The following RFTN2 variants were observed in gnomAD, a reference collection of about 807,000 sequenced individuals.
RFTN2 encodes raftlin family member 2.
A neutral mutation model predicts 52.7 loss-of-function variants in RFTN2; 34 were observed. The ratio of observed to expected loss-of-function variants is 0.64; its 90% CI spans 0.49 to 0.86. RFTN2 has a LOEUF of 0.86. Ranked by LOEUF, RFTN2 falls within the 40% of genes least tolerant of loss-of-function variation. RFTN2 has a pLI of 0.00. For missense variants in RFTN2, 536 were observed against 600.1 expected (o/e 0.89, Z 1.12); for synonymous variants, 203 against 217.7 (o/e 0.93, Z 0.59).
Position 197,599,166 on chromosome 2 carries a change from C to T in RFTN2, c.1155-3097G>A, listed in dbSNP as rs1474207455. 3.3e-5 allele frequency among the ~76,000 whole-genome samples: 5 copies of T among 152,140 alleles called. No homozygotes were observed. In the East Asian group the frequency reaches 7.7e-4, roughly 24 times the overall value. ...CAGGGTTTCACCGTGGACTCGATCT[C>T]CTGACCTTGTGATCCGCCCACCTCG... On this transcript the variant is annotated intron_variant, in intron 7 of 8. Transcript: ENST00000295049.
chr2:197,582,180 A>G lies in RFTN2; in HGVS notation c.1234-9900T>C, dbSNP rs182130298. On this transcript the variant is annotated intron_variant, in intron 8 of 8. Transcript: ENST00000295049. ...TTAGAGGCCCTCAAAATCACAAACT[A>G]TGCTCAACTCACTCTCTACAGTTCT... 3.3e-5 allele frequency among the ~76,000 whole-genome samples: 5 copies of G among 152,300 alleles called. No homozygotes were observed. In the East Asian group the frequency reaches 5.8e-4, roughly 18 times the overall value.
At chr2:197,668,089 G>A (rs941419502) in intron 1 of RFTN2, among the ~76,000 whole-genome samples, 1 of 152,160 alleles carries the variant, frequency 6.6e-6, no homozygotes, top group Non-Finnish European at 1.5e-5. Context: ...GGGCTGTGTA[G>A]GCCAGTCTCT....
chr2:197,594,624 G>A (rs1415660160), intron 8 of RFTN2, among the ~76,000 whole-genome samples: 1 of 152,214 alleles, frequency 6.6e-6, no homozygotes, highest in Non-Finnish European at 1.5e-5. Flanking sequence ...GAGCCCCTGT[G>A]CATGGCCTAG....
At chr2:197,580,808 C>T (rs1307880682) in intron 8 of RFTN2, among the ~76,000 whole-genome samples, 2 of 152,144 alleles carry the variant, frequency 1.3e-5, no homozygotes, top group Admixed American at 6.5e-5. Flanking sequence ...ATTCTGGTGC[C>T]AACTTGGACA....
intron 1 of RFTN2, among the ~76,000 whole-genome samples, chr2:197,655,692 T>C (rs2088885037): frequency 1.3e-5 from 2 of 152,028 alleles, no homozygotes; most frequent in Admixed American, 1.3e-4. Flanking sequence ...GGCATGGTGG[T>C]GTGTGCCTGT....
chr2:197,670,993 G>T (rs1024126329), intron 1 of RFTN2, among the ~76,000 whole-genome samples: 1 of 152,132 alleles, frequency 6.6e-6, no homozygotes, highest in African/African-American at 2.4e-5. Flanking sequence ...TCCTATCCCT[G>T]TTACTGCCCT....
At chr2:197,638,310 C>T (rs2088603549) in intron 3 of RFTN2, among the ~76,000 whole-genome samples, 1 of 100,846 alleles carries the variant, frequency 9.9e-6, no homozygotes, top group Non-Finnish European at 2.3e-5. Context: ...CTTTCTGTCT[C>T]GTTGATCTGT....
intron 7 of RFTN2, among the ~76,000 whole-genome samples, chr2:197,610,143 T>C (rs1200170809): frequency 6.6e-6 from 1 of 152,212 alleles, no homozygotes; most frequent in African/African-American, 2.4e-5. Context: ...TTTTTTCCAA[T>C]TCTGTGAAGA....
intron 1 of RFTN2, among the ~76,000 whole-genome samples, chr2:197,670,203 C>G (rs1245788775): frequency 1.3e-5 from 2 of 152,146 alleles, no homozygotes; most frequent in East Asian, 3.8e-4. Flanking sequence ...ACAGAGACCT[C>G]ATATTTACCA....
intron 8 of RFTN2, among the ~76,000 whole-genome samples, chr2:197,575,792 TTA>T (rs200979217): frequency 0.017 from 2,449 of 141,470 alleles, 72 homozygotes; most frequent in African/African-American, 0.061. Context: ...ATATAATATA[TTA>T]TATATATTTT....
intron 2 of RFTN2, among the ~76,000 whole-genome samples, chr2:197,646,232 G>C (rs1009982785): frequency 6.6e-6 from 1 of 152,110 alleles, no homozygotes; most frequent in African/African-American, 2.4e-5. Context: ...AATCTATTTT[G>C]CTTTCCCTTT....
Position 197,675,417 on chromosome 2 carries a change from G to A in RFTN2, c.42C>T (p.Ser14=), listed in dbSNP as rs777433419. 1 of 1,602,624 alleles carries A rather than the reference G, an allele frequency of 6.2e-7. No individual in the cohort carries two copies. Among genetic ancestry groups the A allele is most frequent in the Non-Finnish European group, 8.5e-7 (1 of 1,174,600 alleles). ...GLRKLEDPDD[S]SPGKIFSTLK... is the part of the protein sequence containing the mutation. Reference sequence around the variant, plus strand: ...GGGTAGAAAATATTTTTCCAGGGCTGCTATCATCAGGGTCTTCTAGCTTTC... The same window carrying A: ...GGGTAGAAAATATTTTTCCAGGGCTACTATCATCAGGGTCTTCTAGCTTTC... The change falls in exon 1 of 9, where the codon AGC becomes AGT. Residue 14 remains serine, a synonymous_variant. Coordinates refer to ENST00000295049, the MANE Select transcript of RFTN2 (RefSeq NM_144629.3).
In RFTN2 at chr2:197,632,167, G is replaced by A. The variant is rs1295845815; in HGVS notation, c.719-947C>T. Among the ~76,000 whole-genome samples, 3 of 152,192 alleles carry A rather than the reference G, an allele frequency of 2.0e-5. No homozygotes were observed. The East Asian group carries it at 5.8e-4, about 29-fold the overall frequency. On this transcript the variant is annotated intron_variant, in intron 4 of 8. Transcript: ENST00000295049. ...TCACATGGAGTTTAAAGGTAGGAATGGGTGGAAGATAGTGAATAGCTCTCT... is the reference window on the plus strand; with the variant it reads ...TCACATGGAGTTTAAAGGTAGGAATAGGTGGAAGATAGTGAATAGCTCTCT...
In RFTN2 at chr2:197,588,897, A is replaced by G. The variant is rs1302097123; in HGVS notation, c.1233+7094T>C. 3.9e-5 allele frequency among the ~76,000 whole-genome samples: 6 copies of G among 152,098 alleles called. No individual in the cohort carries two copies. The South Asian group carries it at 1.0e-3, about 26-fold the overall frequency. On this transcript the variant is annotated intron_variant, in intron 8 of 8. Transcript: ENST00000295049. Reference sequence around the variant, plus strand: ...GATGGGTCTCTTCCGTGCTGCTCTCATCATAGTGAATAAATCTCATGAGAT... The same window carrying G: ...GATGGGTCTCTTCCGTGCTGCTCTCGTCATAGTGAATAAATCTCATGAGAT...
At chr2:197,640,052 G>A (rs1440620150) in intron 3 of RFTN2, among the ~76,000 whole-genome samples, 1 of 152,230 alleles carries the variant, frequency 6.6e-6, no homozygotes, top group Non-Finnish European at 1.5e-5. Context: ...AGGCTGCTCA[G>A]GGGTCAGGGG....
At chr2:197,598,218 G>C (rs112870947) in intron 7 of RFTN2, among the ~76,000 whole-genome samples, 5,694 of 152,226 alleles carry the variant, frequency 0.037, 353 homozygotes, top group African/African-American at 0.13. Context: ...TACTCGGGAG[G>C]CTGAGGTAGG....
At chr2:197,654,963 C>T (rs1052514973) in intron 1 of RFTN2, among the ~76,000 whole-genome samples, 6 of 152,102 alleles carry the variant, frequency 3.9e-5, no homozygotes, top group African/African-American at 1.4e-4. Context: ...GGCAACTGCA[C>T]TCCAGCCTGG....
chr2:197,612,887 T>C (rs1259779413), intron 7 of RFTN2, among the ~76,000 whole-genome samples: 1 of 152,202 alleles, frequency 6.6e-6, no homozygotes, highest in Non-Finnish European at 1.5e-5. Context: ...AGGGAGAATG[T>C]TGAAATTACT....
intron 4 of RFTN2, among the ~76,000 whole-genome samples, chr2:197,632,008 T>C (rs999576339): frequency 2.0e-5 from 3 of 152,188 alleles, no homozygotes; most frequent in East Asian, 1.9e-4. Flanking sequence ...AGAAAAGTTA[T>C]TGAGAAGTAC....
Sources: gnomAD v4.1 joint callset for allele counts (sites outside exome capture counted in the v4.1 genomes callset) on GRCh38, gnomAD v4.1.1 for gene constraint, MANE v1.5 for transcripts, NCBI Gene and HGNC (gene_info 2026-07-23, HGNC 2026-07-21) for gene names.